The following ADGRL4 variants were observed in gnomAD, a reference collection of about 807,000 sequenced individuals.
ADGRL4 encodes EGF, latrophilin and seven transmembrane domain containing 1.
In ADGRL4, 90 loss-of-function variants were observed where a neutral mutation model predicts 74.8. The ratio of observed to expected loss-of-function variants is 1.20; its 90% CI spans 1.02 to 1.43. The LOEUF is 1.43. Ranked by LOEUF, ADGRL4 falls within the 40% of genes most tolerant of loss-of-function variation. The pLI is 0.00. For synonymous variants in ADGRL4, 311 were observed against 279.2 expected (o/e 1.11, Z -1.14); for missense variants, 881 against 814.3 (o/e 1.08, Z -1.00).
At chr1:78,982,993 G>T (rs1002508278) in intron 2 of ADGRL4, among the ~76,000 whole-genome samples, 5 of 151,814 alleles carry the variant, frequency 3.3e-5, no homozygotes, top group African/African-American at 1.2e-4. Context: ...TTTGGCCTAG[G>T]CTACGGGGGC....
chr1:78,917,853 G>T lies in ADGRL4; in HGVS notation c.1659C>A (p.Tyr553Ter). The change falls in exon 11 of 15, where the codon TAC becomes TAA. Residue 553 changes from tyrosine (Y) to a stop codon, truncating the protein, a stop_gained. Transcript: ENST00000370742. LOFTEE classifies it high-confidence loss of function. ...ACACTTTGGTTGTGCCATAATATCT[G>T]TATCCTAGTGCTGCCGAAAATCCAA... ...VVVGFSAALG[Y>*]RYYGTTKVCW... 1 of 1,612,570 alleles carries T rather than the reference G, an allele frequency of 6.2e-7. No homozygotes were observed. The highest frequency in any genetic ancestry group is 2.2e-5 in the East Asian group (1 of 44,816).
chr1:78,939,327 T>A, intron 3 of ADGRL4, 69 bp from the exon 4 acceptor site: 1 of 1,303,410 alleles, frequency 7.7e-7, no homozygotes, highest in South Asian at 1.9e-5. Flanking sequence ...ATCATATCAA[T>A]CCCAATGATC....
rs376809522 is a variant in ADGRL4, at chr1:78,947,930, A to T, written c.173-1504T>A. ...TTCATATACTGGCTATTGCTCACAT[A>T]TAGTAATTACTAAAAGTTGAAGATT... On this transcript the variant is annotated intron_variant, in intron 2 of 14. Transcript: ENST00000370742. Among the ~76,000 whole-genome samples the T allele has an allele frequency of 1.8e-4, 27 of 152,296 alleles. 1 individual carries two copies. In the East Asian group the frequency reaches 4.6e-3, roughly 26 times the overall value.
rs12752044 is a variant in ADGRL4 at position 78,946,522 on chromosome 1, T to C, written c.173-96A>G. The C allele has an allele frequency of 8.7e-3, 8,850 of 1,022,232 alleles. 58 individuals are homozygous for C. Among genetic ancestry groups the C allele is most frequent in the Non-Finnish European group, 9.0e-3 (6,323 of 706,014 alleles). The allele number at this position is 1,022,232 out of a possible 1,614,324, so 63.3% of individuals were successfully genotyped here. ...TTTTGGAATATTGACTGTTAGATAG[T>C]TTAAGGTATGTGATGTTTATATCTA... On this transcript the variant is annotated intron_variant, in intron 2 of 14. Transcript: ENST00000370742.
At chr1:79,005,865 A>AC (rs1650951891) in intron 1 of ADGRL4, among the ~76,000 whole-genome samples, 1 of 152,232 alleles carries the variant, frequency 6.6e-6, no homozygotes, top group African/African-American at 2.4e-5. Context: ...AAAAACAAAA[A>AC]AAGAAACTCA....
intron 12 of ADGRL4, among the ~76,000 whole-genome samples, chr1:78,903,724 A>G (rs1014237288): frequency 6.6e-6 from 1 of 151,988 alleles, no homozygotes; most frequent in Non-Finnish European, 1.5e-5. Context: ...TCACGAGGTC[A>G]AGAGATTGAG....
At chr1:78,990,620 A>C (rs1278814739) in intron 2 of ADGRL4, among the ~76,000 whole-genome samples, 2 of 151,978 alleles carry the variant, frequency 1.3e-5, no homozygotes, top group Non-Finnish European at 2.9e-5. Flanking sequence ...TTTTTTTAAT[A>C]TATTTGTCTA....
intron 12 of ADGRL4, among the ~76,000 whole-genome samples, chr1:78,914,707 T>A (rs893548496): frequency 3.3e-5 from 5 of 151,986 alleles, no homozygotes; most frequent in Admixed American, 2.0e-4. Flanking sequence ...TTAGATTTTT[T>A]AAAATCTGGT....
At chr1:78,912,369 C>G (rs1301558062) in intron 12 of ADGRL4, among the ~76,000 whole-genome samples, 1 of 151,876 alleles carries the variant, frequency 6.6e-6, no homozygotes, top group Non-Finnish European at 1.5e-5. Context: ...GTTATACCCT[C>G]TCTCTTTTAT....
intron 2 of ADGRL4, among the ~76,000 whole-genome samples, chr1:78,959,188 A>T (rs994784214): frequency 5.3e-5 from 8 of 152,220 alleles, no homozygotes; most frequent in Non-Finnish European, 1.2e-4. Flanking sequence ...CACTAGTCAG[A>T]ACCAAATTTA....
chr1:78,991,638 AAATAT>A (rs1334360896), intron 2 of ADGRL4, among the ~76,000 whole-genome samples: 9 of 151,982 alleles, frequency 5.9e-5, no homozygotes, highest in African/African-American at 1.9e-4. Flanking sequence ...AAATATGTGA[AAATAT>A]AATATAGTAT....
intron 2 of ADGRL4, among the ~76,000 whole-genome samples, chr1:78,990,574 TG>T (rs1477302432): frequency 6.6e-6 from 1 of 151,958 alleles, no homozygotes; most frequent in Non-Finnish European, 1.5e-5. Flanking sequence ...AAGGGATTGT[TG>T]ACTATAAAAC....
chr1:78,973,776 C>T (rs1465755955), intron 2 of ADGRL4, among the ~76,000 whole-genome samples: 2 of 151,656 alleles, frequency 1.3e-5, no homozygotes, highest in East Asian at 1.9e-4. Context: ...AAAATATCCA[C>T]TGGTGCTAAA....
chr1:78,982,664 G>C (rs1025293449), intron 2 of ADGRL4, among the ~76,000 whole-genome samples: 1 of 151,788 alleles, frequency 6.6e-6, no homozygotes, highest in African/African-American at 2.4e-5. Flanking sequence ...ATCTAGAAAT[G>C]CTAGATAAAA....
intron 7 of ADGRL4, among the ~76,000 whole-genome samples, chr1:78,928,961 T>G (rs1649181008): frequency 1.3e-5 from 2 of 151,562 alleles, no homozygotes; most frequent in African/African-American, 4.9e-5. Flanking sequence ...TAGAGAATCA[T>G]TGCTCTCAAA....
At chr1:78,939,387 C>T in intron 3 of ADGRL4, 129 bp from the exon 4 acceptor site, 3 of 1,015,228 alleles carry the variant, frequency 3.0e-6, no homozygotes, top group South Asian at 8.1e-5. Context: ...ACTTGAATTT[C>T]CTCTTCAGTT....
chr1:78,974,043 C>T (rs1159238208), intron 2 of ADGRL4, among the ~76,000 whole-genome samples: 1 of 152,134 alleles, frequency 6.6e-6, no homozygotes, highest in Non-Finnish European at 1.5e-5. Context: ...ACACACACCC[C>T]TCCCTCCAGC....
intron 2 of ADGRL4, among the ~76,000 whole-genome samples, chr1:78,972,952 A>G (rs770139709): frequency 4.6e-5 from 7 of 152,164 alleles, no homozygotes; most frequent in African/African-American, 9.7e-5. Flanking sequence ...CCTCTCAGCT[A>G]TGAACATAGG....
intron 7 of ADGRL4, among the ~76,000 whole-genome samples, chr1:78,935,418 G>A (rs1649331396): frequency 6.6e-6 from 1 of 151,956 alleles, no homozygotes; most frequent in African/African-American, 2.4e-5. Context: ...TGGGGAAAGA[G>A]GGGAGGGAAC....
Sources: allele counts gnomAD v4.1 joint callset (sites outside exome capture counted in the v4.1 genomes callset), GRCh38; gene constraint gnomAD v4.1.1; transcripts MANE v1.5; gene names NCBI Gene and HGNC (gene_info 2026-07-23, HGNC 2026-07-21).